Variants in CFAP299 observed in about 807,000 individuals in gnomAD.
CFAP299 encodes cilia- and flagella-associated protein 299.
In CFAP299, 21 loss-of-function variants were observed where a neutral mutation model predicts 27.0. The ratio of observed to expected loss-of-function variants is 0.78; its 90% CI spans 0.55 to 1.12. The LOEUF is 1.12. CFAP299 is among the 50% of genes most tolerant of loss of function. CFAP299 has a pLI of 0.00. For synonymous variants in CFAP299, 104 were observed against 98.1 expected (o/e 1.06, Z -0.36); for missense variants, 310 against 276.6 (o/e 1.12, Z -0.86).
At chr4:80,499,185 A>G (rs1348455556) in intron 2 of CFAP299, among the ~76,000 whole-genome samples, 1 of 152,134 alleles carries the variant, frequency 6.6e-6, no homozygotes, top group Non-Finnish European at 1.5e-5. Context: ...TCAAACCCCT[A>G]CAACATGAGA....
At chr4:80,414,516 A>T (rs1205647984) in intron 2 of CFAP299, among the ~76,000 whole-genome samples, 1 of 152,252 alleles carries the variant, frequency 6.6e-6, no homozygotes, top group African/African-American at 2.4e-5. Flanking sequence ...GTAGTTTTTC[A>T]TCAAGTTTAA....
At chr4:80,766,109 C>T (rs1049615764) in intron 3 of CFAP299, among the ~76,000 whole-genome samples, 8 of 152,022 alleles carry the variant, frequency 5.3e-5, no homozygotes, top group African/African-American at 1.9e-4. Context: ...TGAAAATAAG[C>T]TGTCATCTAG....
chr4:80,923,121 G>A (rs1736128652), intron 4 of CFAP299, among the ~76,000 whole-genome samples: 1 of 152,012 alleles, frequency 6.6e-6, no homozygotes, highest in African/African-American at 2.4e-5. Flanking sequence ...CTCAAGGAGG[G>A]ATTCCTTCAT....
chr4:80,476,607 T>C (rs1395429493), intron 2 of CFAP299, among the ~76,000 whole-genome samples: 1 of 152,190 alleles, frequency 6.6e-6, no homozygotes, highest in African/African-American at 2.4e-5. Flanking sequence ...ATGTTTACAC[T>C]TTATAATTTT....
chr4:80,684,592 T>G, intron 3 of CFAP299, among the ~76,000 whole-genome samples: 1 of 152,184 alleles, frequency 6.6e-6, no homozygotes, highest in East Asian at 1.9e-4. Context: ...TAAGAAATAT[T>G]TCTACCTATT....
intron 3 of CFAP299, among the ~76,000 whole-genome samples, chr4:80,660,320 A>G (rs2109980362): frequency 6.6e-6 from 1 of 152,314 alleles, no homozygotes; most frequent in Non-Finnish European, 1.5e-5. Flanking sequence ...CAAGAGGTCA[A>G]GATACAGTGT....
Position 80,616,460 on chromosome 4 carries a change from C to T in CFAP299, c.333+33277C>T, listed in dbSNP as rs891093382. ...ATGCATATATACATAAATAATACCC[C>T]CAAACTGAAAGGGCTGTAGAGATCA... On this transcript the variant is annotated intron_variant, in intron 3 of 5. Coordinates refer to ENST00000358105, the MANE Select transcript of CFAP299 (RefSeq NM_152770.3). 7.3e-5 allele frequency among the ~76,000 whole-genome samples: 11 copies of T among 151,434 alleles called. 1 individual carries two copies. In the South Asian group the frequency reaches 1.5e-3, roughly 20 times the overall value.
At chr4:80,694,952 G>A (rs1222122923) in intron 3 of CFAP299, among the ~76,000 whole-genome samples, 3 of 152,164 alleles carry the variant, frequency 2.0e-5, no homozygotes, top group African/African-American at 7.2e-5. Flanking sequence ...TTAGATGCAG[G>A]AGCCAGATTT....
chr4:80,723,966 A>T (rs1560717968), intron 3 of CFAP299, among the ~76,000 whole-genome samples: 1 of 152,080 alleles, frequency 6.6e-6, no homozygotes, highest in Non-Finnish European at 1.5e-5. Context: ...TATGCAAGAT[A>T]AGAAACAATA....
At chr4:80,633,175 G>A (rs1229539589) in intron 3 of CFAP299, among the ~76,000 whole-genome samples, 1 of 152,208 alleles carries the variant, frequency 6.6e-6, no homozygotes, top group Admixed American at 6.5e-5. Context: ...TGGGCCGGGT[G>A]TGGTGGCTCA....
At chr4:80,481,601 G>A (rs1560587074) in intron 2 of CFAP299, among the ~76,000 whole-genome samples, 2 of 151,928 alleles carry the variant, frequency 1.3e-5, no homozygotes, top group Non-Finnish European at 2.9e-5. Context: ...TTTAAAACTG[G>A]AAGGGAGCTT....
At chr4:80,511,701 T>C (rs145457677) in intron 2 of CFAP299, among the ~76,000 whole-genome samples, 4 of 152,212 alleles carry the variant, frequency 2.6e-5, no homozygotes, top group Admixed American at 1.3e-4. Flanking sequence ...AAACAAACCA[T>C]ATAGTGGCAT....
intron 2 of CFAP299, among the ~76,000 whole-genome samples, chr4:80,470,736 G>A (rs1335359854): frequency 6.6e-6 from 1 of 152,066 alleles, no homozygotes; most frequent in South Asian, 2.1e-4. Context: ...GTTTTGTTTT[G>A]TTTGACCCAA....
At chr4:80,451,812 A>G (rs1282401339) in intron 2 of CFAP299, among the ~76,000 whole-genome samples, 1 of 152,200 alleles carries the variant, frequency 6.6e-6, no homozygotes, top group Non-Finnish European at 1.5e-5. Flanking sequence ...TCAATTTAAG[A>G]TTGAACACTG....
intron 3 of CFAP299, among the ~76,000 whole-genome samples, chr4:80,857,588 CTAAT>C (rs994887182): frequency 1.3e-5 from 2 of 152,256 alleles, no homozygotes; most frequent in African/African-American, 4.8e-5. Context: ...CCATCAATAC[CTAAT>C]TAATTGAGAG....
At chr4:80,640,215 A>G (rs2109957992) in intron 3 of CFAP299, among the ~76,000 whole-genome samples, 1 of 152,328 alleles carries the variant, frequency 6.6e-6, no homozygotes, top group South Asian at 2.1e-4. Context: ...TATGGCTATG[A>G]AGCCGGCTCT....
rs187782082 is a variant in CFAP299, at chr4:80,940,713, T to A, written c.477-4097T>A. 2.6e-4 allele frequency among the ~76,000 whole-genome samples: 40 copies of A among 152,324 alleles called. No homozygotes were observed. The East Asian group carries it at 7.3e-3, about 28-fold the overall frequency. The stretch of plus-strand genomic sequence containing the variant: ...ACAAAAAGTTACCTTCGTGAGTTTT[T>A]TCAGTTTATTTTCGTTTGTACAAAT... On this transcript the variant is annotated intron_variant, in intron 4 of 5. Coordinates refer to ENST00000358105, the MANE Select transcript of CFAP299 (RefSeq NM_152770.3).
intron 3 of CFAP299, among the ~76,000 whole-genome samples, chr4:80,635,180 T>G (rs186581640): frequency 6.6e-6 from 1 of 152,118 alleles, no homozygotes; most frequent in African/African-American, 2.4e-5. Context: ...TTTAGTGCAG[T>G]TTACAGAAAA....
chr4:80,527,344 A>G (rs1733245278), intron 2 of CFAP299, among the ~76,000 whole-genome samples: 1 of 152,142 alleles, frequency 6.6e-6, no homozygotes, highest in African/African-American at 2.4e-5. Flanking sequence ...AGAACATTGT[A>G]AGAATTTATC....
Sources: allele counts gnomAD v4.1 joint callset (sites outside exome capture counted in the v4.1 genomes callset), GRCh38; gene constraint gnomAD v4.1.1; transcripts MANE v1.5; gene names NCBI Gene and HGNC (gene_info 2026-07-23, HGNC 2026-07-21).